The following PLCB1 variants were observed in gnomAD, a reference collection of about 807,000 sequenced individuals.
PLCB1 encodes the protein 1-phosphatidylinositol 4,5-bisphosphate phosphodiesterase beta-1.
In PLCB1, 46 loss-of-function variants were observed where a neutral mutation model predicts 161.8. That is an observed-to-expected ratio of 0.28 (90% confidence interval 0.22 to 0.36). PLCB1 has a LOEUF of 0.36. PLCB1 is among the 10% of genes least tolerant of loss of function. PLCB1 has a pLI of 1.00. For missense variants in PLCB1, 1,016 were observed against 1,472.5 expected, an observed-to-expected ratio of 0.69 and a Z score of 5.07; for synonymous variants, 517 against 503.7, an observed-to-expected ratio of 1.03 and a Z score of -0.35.
At chr20:8,868,576 T>C (rs1355010359) in intron 31 of PLCB1, among the ~76,000 whole-genome samples, 1 of 152,212 alleles carries the variant, frequency 6.6e-6, no homozygotes, top group Non-Finnish European at 1.5e-5. Flanking sequence ...TAGTGAACAG[T>C]TGGCCTGGAA....
intron 11 of PLCB1, among the ~76,000 whole-genome samples, chr20:8,701,214 A>G (rs191959120): frequency 6.6e-6 from 1 of 152,288 alleles, no homozygotes; most frequent in African/African-American, 2.4e-5. Context: ...ACAGGGCACA[A>G]GGCCCTACAT....
At chr20:8,244,056 G>A (rs553718278) in intron 2 of PLCB1, among the ~76,000 whole-genome samples, 2 of 152,044 alleles carry the variant, frequency 1.3e-5, no homozygotes, top group African/African-American at 4.8e-5. Context: ...TTAGATCAGT[G>A]TAAAGATATA....
At chr20:8,723,398 C>T (rs1305378005) in intron 15 of PLCB1, among the ~76,000 whole-genome samples, 3 of 152,150 alleles carry the variant, frequency 2.0e-5, no homozygotes, top group Non-Finnish European at 4.4e-5. Context: ...CCAAATATTA[C>T]TACCAGAATT....
At chr20:8,267,725 AG>A (rs1015470026) in intron 2 of PLCB1, among the ~76,000 whole-genome samples, 2 of 152,314 alleles carry the variant, frequency 1.3e-5, no homozygotes, top group African/African-American at 2.4e-5. Context: ...CAAGTGGCTC[AG>A]GAGCCCAGAT....
intron 2 of PLCB1, among the ~76,000 whole-genome samples, chr20:8,370,792 G>A (rs903588205): frequency 2.4e-4 from 37 of 152,164 alleles, no homozygotes; most frequent in African/African-American, 6.5e-4. Flanking sequence ...TTTGATGACA[G>A]GTCCATCCAG....
chr20:8,275,746 ACTG>A (rs1239365421), intron 2 of PLCB1, among the ~76,000 whole-genome samples: 3 of 152,170 alleles, frequency 2.0e-5, no homozygotes, highest in Non-Finnish European at 4.4e-5. Flanking sequence ...CCGGAAAGTT[ACTG>A]CTATTTCCTT....
At chr20:8,637,376 A>G (rs1331873022) in intron 4 of PLCB1, among the ~76,000 whole-genome samples, 1 of 152,254 alleles carries the variant, frequency 6.6e-6, no homozygotes, top group Admixed American at 6.5e-5. Context: ...AGGTGAAATC[A>G]GAAGAGGGAA....
intron 9 of PLCB1, among the ~76,000 whole-genome samples, chr20:8,675,614 A>G (rs772591965): frequency 2.0e-5 from 3 of 152,216 alleles, no homozygotes; most frequent in Non-Finnish European, 4.4e-5. Flanking sequence ...TATCTGCAGT[A>G]TGGTATAGTA....
chr20:8,644,678 G>GC (rs1989098574), intron 4 of PLCB1, among the ~76,000 whole-genome samples: 2 of 151,188 alleles, frequency 1.3e-5, no homozygotes, highest in Non-Finnish European at 2.9e-5. Context: ...TCTCCGCCCG[G>GC]CAGCCGCCCC....
chr20:8,857,268 T>C (rs1987099227), intron 31 of PLCB1, among the ~76,000 whole-genome samples: 1 of 152,086 alleles, frequency 6.6e-6, no homozygotes, highest in Admixed American at 6.6e-5. Flanking sequence ...AAAAGAGGAG[T>C]GAAGAATGGT....
At chr20:8,727,703 CTTTATGG>C (rs1980014832) in intron 17 of PLCB1, among the ~76,000 whole-genome samples, 1 of 151,904 alleles carries the variant, frequency 6.6e-6, no homozygotes, top group Admixed American at 6.6e-5. Flanking sequence ...ATTATACTAG[CTTTATGG>C]TTTGCTCTTT....
intron 14 of PLCB1, among the ~76,000 whole-genome samples, chr20:8,718,646 A>G (rs995225121): frequency 6.6e-6 from 1 of 152,234 alleles, no homozygotes. Context: ...CAGATAATCC[A>G]GGATAATTGC....
intron 2 of PLCB1, among the ~76,000 whole-genome samples, chr20:8,159,160 T>C (rs929346510): frequency 2.6e-5 from 4 of 152,128 alleles, no homozygotes; most frequent in Non-Finnish European, 5.9e-5. Flanking sequence ...TGCCTGGACA[T>C]CCAGGTGTTT....
At chr20:8,668,788 G>A (rs1025379482) in intron 9 of PLCB1, among the ~76,000 whole-genome samples, 1 of 152,140 alleles carries the variant, frequency 6.6e-6, no homozygotes, top group African/African-American at 2.4e-5. Flanking sequence ...TGTATCTCCT[G>A]GAGCACCAGT....
chr20:8,858,217 T>C (rs1452056628), intron 31 of PLCB1, among the ~76,000 whole-genome samples: 6 of 151,772 alleles, frequency 4.0e-5, no homozygotes, highest in Admixed American at 2.6e-4. Context: ...TCATTTGCAC[T>C]CACACACACA....
At chr20:8,568,878 A>C (rs1007947763) in intron 3 of PLCB1, among the ~76,000 whole-genome samples, 2 of 152,198 alleles carry the variant, frequency 1.3e-5, no homozygotes, top group Admixed American at 6.5e-5. Flanking sequence ...AGAGAGAAGG[A>C]AAGGCAGCAA....
chr20:8,337,025 C>T (rs571682784), intron 2 of PLCB1, among the ~76,000 whole-genome samples: 1 of 152,046 alleles, frequency 6.6e-6, no homozygotes, highest in East Asian at 1.9e-4. Context: ...TAATTCAGTT[C>T]CCATAGTAAT....
chr20:8,317,134 T>C (rs1428944420), intron 2 of PLCB1, among the ~76,000 whole-genome samples: 1 of 152,050 alleles, frequency 6.6e-6, no homozygotes, highest in Non-Finnish European at 1.5e-5. Flanking sequence ...GTAATGTAGG[T>C]GAGCAGGGAT....
chr20:8,162,279 T>C (rs1337360033), intron 2 of PLCB1, among the ~76,000 whole-genome samples: 2 of 152,198 alleles, frequency 1.3e-5, no homozygotes, highest in Non-Finnish European at 2.9e-5. Flanking sequence ...GTAAATTCCA[T>C]ACTTAATTAA....
Sources: allele counts gnomAD v4.1 joint callset (sites outside exome capture counted in the v4.1 genomes callset), GRCh38; gene constraint gnomAD v4.1.1; transcripts MANE v1.5; gene names NCBI Gene and HGNC (gene_info 2026-07-23, HGNC 2026-07-21).